Variants in PCDH9 observed in about 807,000 individuals in gnomAD.
The protein encoded by PCDH9 is protocadherin-9.
Under a neutral mutation model 70.6 loss-of-function variants are expected in PCDH9, and 24 were observed. The ratio of observed to expected loss-of-function variants is 0.34; its 90% confidence interval spans 0.25 to 0.48. PCDH9 has a LOEUF of 0.48. Ranked by LOEUF, PCDH9 falls within the 20% of genes least tolerant of loss-of-function variation. The pLI, the probability that PCDH9 is intolerant of heterozygous loss-of-function variation, is 0.99. For synonymous variants in PCDH9, 562 were observed against 558.5 expected (o/e 1.01, Z -0.09); for missense variants, 1,281 against 1,503.6 (o/e 0.85, Z 2.45).
At chr13:66,815,747 C>T (rs1198516685) in intron 3 of PCDH9, among the ~76,000 whole-genome samples, 1 of 151,974 alleles carries the variant, frequency 6.6e-6, no homozygotes, top group African/African-American at 2.4e-5. Context: ...AAAATAGACA[C>T]CAGGGCCTAC....
rs1016109035 is a variant in PCDH9 at position 67,146,674 on chromosome 13, A to G, written c.3036+78731T>C. Reference sequence around the variant, plus strand: ...TCCAGGAATCTTTGAGACTGTTCACATTTAGAAGCGGCAGTGGTTACATTA... The same window carrying G: ...TCCAGGAATCTTTGAGACTGTTCACGTTTAGAAGCGGCAGTGGTTACATTA... On this transcript the variant is annotated intron_variant, in intron 2 of 4. Coordinates refer to ENST00000377865, the MANE Select transcript of PCDH9 (RefSeq NM_203487.3). Among the ~76,000 whole-genome samples the G allele has an allele frequency of 2.0e-5, 3 of 152,202 alleles. No homozygotes were observed. The East Asian group carries it at 5.8e-4, about 29-fold the overall frequency.
chr13:66,336,947 A>G (rs936457730), intron 4 of PCDH9, among the ~76,000 whole-genome samples: 1 of 152,092 alleles, frequency 6.6e-6, no homozygotes, highest in Non-Finnish European at 1.5e-5. Flanking sequence ...AAAGTAACAA[A>G]ATTCTCTTTT....
intron 4 of PCDH9, among the ~76,000 whole-genome samples, chr13:66,625,614 T>TA (rs1212721282): frequency 6.6e-6 from 1 of 151,934 alleles, no homozygotes; most frequent in Admixed American, 6.6e-5. Flanking sequence ...CATATATACA[T>TA]ATATGTATTC....
intron 4 of PCDH9, among the ~76,000 whole-genome samples, chr13:66,525,820 T>TC (rs1347408835): frequency 3.9e-5 from 6 of 152,080 alleles, no homozygotes; most frequent in Non-Finnish European, 8.8e-5. Context: ...CTCTTTCAAA[T>TC]CCCCCAGCTT....
At chr13:66,863,170 A>G (rs906014345) in intron 3 of PCDH9, among the ~76,000 whole-genome samples, 2 of 152,190 alleles carry the variant, frequency 1.3e-5, no homozygotes, top group South Asian at 2.1e-4. Context: ...GCAAGATACA[A>G]ATAAAAACTG....
At chr13:66,869,434 G>A (rs2081632764) in intron 3 of PCDH9, among the ~76,000 whole-genome samples, 1 of 151,916 alleles carries the variant, frequency 6.6e-6, no homozygotes. Context: ...TTTGAAGAGA[G>A]GTCAAAAAAA....
At chr13:66,988,727 ATTCTT>A (rs1437130757) in intron 2 of PCDH9, among the ~76,000 whole-genome samples, 1 of 151,990 alleles carries the variant, frequency 6.6e-6, no homozygotes, top group Non-Finnish European at 1.5e-5. Flanking sequence ...ACAGTCATCT[ATTCTT>A]ATTTATTTTT....
chr13:66,328,275 A>G (rs1444261234), intron 4 of PCDH9, among the ~76,000 whole-genome samples: 1 of 152,154 alleles, frequency 6.6e-6, no homozygotes, highest in Non-Finnish European at 1.5e-5. Flanking sequence ...CAAACCAGGA[A>G]TATTTTTCAG....
intron 4 of PCDH9, among the ~76,000 whole-genome samples, chr13:66,563,559 G>A (rs1182476371): frequency 2.0e-5 from 3 of 152,034 alleles, no homozygotes; most frequent in African/African-American, 7.3e-5. Flanking sequence ...CTTATTTCCA[G>A]AACAAGGTGG....
intron 3 of PCDH9, among the ~76,000 whole-genome samples, chr13:66,838,017 AAAATT>A (rs1263353000): frequency 8.5e-5 from 13 of 152,360 alleles, no homozygotes; most frequent in African/African-American, 2.9e-4. Flanking sequence ...ATCAAAAATT[AAAATT>A]AAAGCATAAA....
At chr13:67,070,906 G>C (rs1566404143) in intron 2 of PCDH9, among the ~76,000 whole-genome samples, 1 of 152,216 alleles carries the variant, frequency 6.6e-6, no homozygotes, top group East Asian at 1.9e-4. Flanking sequence ...TTCTAACTCA[G>C]TAAGTCTGGA....
At chr13:66,860,449 G>A (rs984285220) in intron 3 of PCDH9, among the ~76,000 whole-genome samples, 1 of 152,150 alleles carries the variant, frequency 6.6e-6, no homozygotes. Flanking sequence ...GCTAATATAA[G>A]GAGGCATTGT....
At chr13:66,620,332 C>T (rs1029855498) in intron 4 of PCDH9, among the ~76,000 whole-genome samples, 2 of 152,144 alleles carry the variant, frequency 1.3e-5, no homozygotes. Context: ...TTAGTAGGCT[C>T]ATTTTGGTGG....
chr13:67,012,860 A>G lies in PCDH9; in HGVS notation c.3037-109255T>C, dbSNP rs374743152. Among the ~76,000 whole-genome samples, 4 of 152,104 alleles carry G rather than the reference A, an allele frequency of 2.6e-5. No individual in the cohort carries two copies. In the East Asian group the frequency reaches 7.7e-4, roughly 29 times the overall value. On this transcript the variant is annotated intron_variant, in intron 2 of 4. Coordinates refer to ENST00000377865, the MANE Select transcript of PCDH9 (RefSeq NM_203487.3). ...ATATTATAAAAGGCCCAGAAGATCA[A>G]TTGTAGCGGACCTAAGTGTAAATTG...
chr13:66,924,935 C>T (rs1451304416), intron 2 of PCDH9, among the ~76,000 whole-genome samples: 6 of 151,520 alleles, frequency 4.0e-5, no homozygotes, highest in Non-Finnish European at 4.4e-5. Flanking sequence ...CTTTTCAATA[C>T]CGACAAAGTA....
intron 2 of PCDH9, among the ~76,000 whole-genome samples, chr13:67,131,868 T>C (rs2087119458): frequency 6.6e-6 from 1 of 152,200 alleles, no homozygotes. Context: ...ATTTCAGTTC[T>C]AACAGATGTT....
chr13:66,820,335 A>T (rs1180586015), intron 3 of PCDH9, among the ~76,000 whole-genome samples: 5 of 152,150 alleles, frequency 3.3e-5, no homozygotes, highest in Non-Finnish European at 7.4e-5. Context: ...ATACCCCTAG[A>T]TTTCTATCTT....
chr13:66,650,556 T>C (rs1222108925), intron 3 of PCDH9, among the ~76,000 whole-genome samples: 3 of 152,012 alleles, frequency 2.0e-5, no homozygotes, highest in East Asian at 1.9e-4. Flanking sequence ...ACTTTCAACA[T>C]TGAAAAGATC....
At chr13:66,876,948 A>G (rs971542820) in intron 3 of PCDH9, 8 of 152,114 alleles carry the variant, frequency 5.3e-5, no homozygotes, top group East Asian at 1.9e-4. Flanking sequence ...AACTATGAAA[A>G]TAATACCTAT....
Sources: allele counts gnomAD v4.1 joint callset (sites outside exome capture counted in the v4.1 genomes callset), GRCh38; gene constraint gnomAD v4.1.1; transcripts MANE v1.5; gene names NCBI Gene and HGNC (gene_info 2026-07-23, HGNC 2026-07-21).